NRXN1: variants seen among roughly 807,000 people sequenced by gnomAD.
The protein encoded by NRXN1 is neurexin 1.
In NRXN1, 39 loss-of-function variants were observed where a neutral mutation model predicts 150.9. The observed-to-expected ratio is 0.26, with a 90% CI of 0.20 to 0.34. The LOEUF (loss-of-function observed/expected upper bound fraction) is 0.34, where lower values mean the gene tolerates loss of function less well. NRXN1 is among the 10% of genes least tolerant of loss of function. NRXN1 has a pLI of 1.00. For missense variants in NRXN1, 1,815 were observed against 1,949.9 expected (o/e 0.93, Z 1.30); for synonymous variants, 924 against 757.0 (o/e 1.22, Z -3.62).
At chr2:50,238,274 T>C (rs77611999) in intron 17 of NRXN1, among the ~76,000 whole-genome samples, 471 of 152,156 alleles carry the variant, frequency 3.1e-3, no homozygotes, top group Non-Finnish European at 5.2e-3. Flanking sequence ...TCTGTCTTCT[T>C]CTGACTGCTT....
chr2:50,765,234 T>C (rs1001873871), intron 5 of NRXN1, among the ~76,000 whole-genome samples: 5 of 152,032 alleles, frequency 3.3e-5, no homozygotes, highest in Non-Finnish European at 4.4e-5. Flanking sequence ...CAGATGCTCC[T>C]GTGGCCAAAC....
At chr2:50,978,578 G>C (rs1281556276) in intron 2 of NRXN1, among the ~76,000 whole-genome samples, 1 of 151,648 alleles carries the variant, frequency 6.6e-6, no homozygotes. Context: ...TTACTATAAT[G>C]TGTGCATCTT....
chr2:50,861,070 G>T (rs1440389696), intron 5 of NRXN1, among the ~76,000 whole-genome samples: 1 of 152,006 alleles, frequency 6.6e-6, no homozygotes, highest in Non-Finnish European at 1.5e-5. Flanking sequence ...CTGAAAGGTT[G>T]GTTGGTCATT....
rs376306990 is a variant in NRXN1, at chr2:50,420,692, T to G, written c.3364+44750A>C. Among the ~76,000 whole-genome samples the G allele has an allele frequency of 9.2e-5, 14 of 152,096 alleles. No individual in the cohort carries two copies. The East Asian group carries it at 1.6e-3, about 17-fold the overall frequency. ...GTGTGATAAAGTACAGCTCATGAAATCCACATAATTTTCTGGTTGTTCGTA... is the reference window on the plus strand; with the variant it reads ...GTGTGATAAAGTACAGCTCATGAAAGCCACATAATTTTCTGGTTGTTCGTA... On this transcript the variant is annotated intron_variant, in intron 17 of 22. Transcript: ENST00000401669.
chr2:49,970,773 T>C (rs1185206820), intron 21 of NRXN1, among the ~76,000 whole-genome samples: 1 of 152,172 alleles, frequency 6.6e-6, no homozygotes, highest in Non-Finnish European at 1.5e-5. Context: ...ACAAAGATTA[T>C]TGTTTATGTC....
chr2:50,236,577 C>CAAAA (rs35377914), intron 18 of NRXN1, among the ~76,000 whole-genome samples: 1 of 118,918 alleles, frequency 8.4e-6, no homozygotes. Flanking sequence ...ATTCACACTC[C>CAAAA]AAAAAAAAAA....
chr2:50,626,121 C>G (rs12622475), intron 5 of NRXN1, among the ~76,000 whole-genome samples: 151,301 of 152,108 alleles, frequency 0.99, 75,252 homozygotes, highest in Middle Eastern at 1. Context: ...CAAATTGAAA[C>G]ACTAAAATAA....
chr2:50,414,312 G>A (rs2083389316), intron 17 of NRXN1, among the ~76,000 whole-genome samples: 1 of 151,852 alleles, frequency 6.6e-6, no homozygotes, highest in African/African-American at 2.4e-5. Flanking sequence ...ATATACACCT[G>A]CTATGTAGTC....
chr2:50,043,203 T>A (rs1185210193), intron 21 of NRXN1, among the ~76,000 whole-genome samples: 1 of 152,140 alleles, frequency 6.6e-6, no homozygotes, highest in Non-Finnish European at 1.5e-5. Context: ...CAAAGTTACA[T>A]AAGATAATTG....
At chr2:50,367,746 G>T (rs2079695303) in intron 17 of NRXN1, among the ~76,000 whole-genome samples, 1 of 151,916 alleles carries the variant, frequency 6.6e-6, no homozygotes, top group African/African-American at 2.4e-5. Flanking sequence ...TTCATACTTA[G>T]CCAGTTCCAA....
chr2:50,138,427 C>A (rs1706738789), intron 18 of NRXN1, among the ~76,000 whole-genome samples: 1 of 152,012 alleles, frequency 6.6e-6, no homozygotes, highest in Admixed American at 6.6e-5. Flanking sequence ...AAACTTTGGG[C>A]CTTGGGGCTG....
At chr2:50,320,634 G>C (rs1558519725) in intron 17 of NRXN1, among the ~76,000 whole-genome samples, 1 of 151,780 alleles carries the variant, frequency 6.6e-6, no homozygotes, top group Non-Finnish European at 1.5e-5. Flanking sequence ...TTGATGAATG[G>C]ACAGGAGCTA....
chr2:50,730,350 C>A (rs1697936088), intron 5 of NRXN1, among the ~76,000 whole-genome samples: 1 of 152,048 alleles, frequency 6.6e-6, no homozygotes, highest in Admixed American at 6.6e-5. Flanking sequence ...ATTATAGCCA[C>A]AATAAAATAC....
intron 5 of NRXN1, among the ~76,000 whole-genome samples, chr2:50,639,306 C>T (rs746069933): frequency 3.5e-4 from 52 of 150,348 alleles, no homozygotes; most frequent in Non-Finnish European, 3.7e-4. Context: ...TTGCAATCTC[C>T]GCCTCCTGGG....
chr2:50,002,559 C>T (rs1035661256), intron 21 of NRXN1, among the ~76,000 whole-genome samples: 8 of 152,076 alleles, frequency 5.3e-5, no homozygotes, highest in African/African-American at 1.7e-4. Flanking sequence ...GAACTAGAAA[C>T]CTTTTTGAGA....
chr2:50,147,842 G>C (rs1219707637), intron 18 of NRXN1, among the ~76,000 whole-genome samples: 3 of 151,702 alleles, frequency 2.0e-5, no homozygotes, highest in African/African-American at 4.8e-5. Context: ...GTCTTTTAAA[G>C]TACTGAAAGT....
chr2:50,665,356 A>T (rs577891374), intron 5 of NRXN1, among the ~76,000 whole-genome samples: 1 of 152,130 alleles, frequency 6.6e-6, no homozygotes, highest in Admixed American at 6.6e-5. Context: ...CCTGAATTTT[A>T]AACAGATAAA....
chr2:50,433,528 G>T (rs1054116802), intron 17 of NRXN1, among the ~76,000 whole-genome samples: 1 of 150,112 alleles, frequency 6.7e-6, no homozygotes, highest in African/African-American at 2.5e-5. Flanking sequence ...CATTACAGTT[G>T]TCTAACATTG....
intron 21 of NRXN1, among the ~76,000 whole-genome samples, chr2:50,019,963 AAAAAAAAAAAG>A (rs1687293471): frequency 1.7e-5 from 2 of 118,532 alleles, no homozygotes; most frequent in Admixed American, 9.1e-5. Flanking sequence ...AAAAAAAAAA[AAAAAAAAAAAG>A]AGAGAGAGAG....
Sources: allele counts gnomAD v4.1 joint callset (sites outside exome capture counted in the v4.1 genomes callset), GRCh38; gene constraint gnomAD v4.1.1; transcripts MANE v1.5; gene names NCBI Gene and HGNC (gene_info 2026-07-23, HGNC 2026-07-21).